Variants in NXN observed in about 807,000 individuals in gnomAD.
The protein encoded by NXN is nucleoredoxin 1.
NXN carries 16 observed loss-of-function variants against 48.6 expected under a neutral mutation model. The observed-to-expected ratio is 0.33, with a 90% CI of 0.22 to 0.50. The LOEUF (loss-of-function observed/expected upper bound fraction) is 0.50, where lower values mean the gene tolerates loss of function less well. Among genes scored for constraint, NXN ranks in the 20% least tolerant of loss-of-function variants. NXN has a pLI of 0.98. For missense variants in NXN, 492 were observed against 605.5 expected (o/e 0.81, Z 1.97); for synonymous variants, 281 against 269.6 (o/e 1.04, Z -0.41).
chr17:929,299 A>C (rs1326458928), intron 1 of NXN, among the ~76,000 whole-genome samples: 3 of 152,182 alleles, frequency 2.0e-5, no homozygotes, highest in African/African-American at 4.8e-5. Flanking sequence ...CTGGCATTTG[A>C]GTTGGTGAGT....
At position 822,008 on chromosome 17, in the gene NXN, C is replaced by T. The variant is rs541990202; in HGVS notation, c.713+349G>A. 7.9e-5 allele frequency among the ~76,000 whole-genome samples: 12 copies of T among 151,824 alleles called. No individual in the cohort carries two copies. The East Asian group carries it at 1.6e-3, about 20-fold the overall frequency. ...TTAAAGGAGTAAATGTGGCTGGGTG[C>T]GGTGGCTCACACCTGTAATCCCAGC... On this transcript the variant is annotated intron_variant, in intron 4 of 7. Coordinates refer to ENST00000336868, the MANE Select transcript of NXN (RefSeq NM_022463.5).
chr17:880,452 C>T (rs8079920), intron 1 of NXN, among the ~76,000 whole-genome samples: 73,645 of 152,032 alleles, frequency 0.48, 21,067 homozygotes, highest in East Asian at 0.63. Flanking sequence ...TAATAAGTTA[C>T]ACTTTTCCTG....
In NXN at chr17:902,742, A is replaced by T. The variant is rs1367180533; in HGVS notation, c.360+76577T>A. ...CATTCCATCCACCACCCTGGTACTCACACTATTTTAACACAACACAATGGC... is the reference window on the plus strand; with the variant it reads ...CATTCCATCCACCACCCTGGTACTCTCACTATTTTAACACAACACAATGGC... On this transcript the variant is annotated intron_variant, in intron 1 of 7. Coordinates refer to ENST00000336868, the MANE Select transcript of NXN (RefSeq NM_022463.5). Among the ~76,000 whole-genome samples, 2 of 147,472 alleles carry T rather than the reference A, an allele frequency of 1.4e-5. 1 individual carries two copies. Among genetic ancestry groups the T allele is most frequent in the Non-Finnish European group, 3.0e-5 (2 of 67,086 alleles).
At chr17:810,284 T>C (rs866298202) in intron 5 of NXN, among the ~76,000 whole-genome samples, 8 of 133,840 alleles carry the variant, frequency 6.0e-5, no homozygotes, top group East Asian at 2.3e-4. Flanking sequence ...AGTCTGTGAG[T>C]GGCGTGCACG....
At chr17:805,888 G>A (rs1486102106) in intron 5 of NXN, among the ~76,000 whole-genome samples, 1 of 151,986 alleles carries the variant, frequency 6.6e-6, no homozygotes, top group Non-Finnish European at 1.5e-5. Context: ...ATGGCGCATC[G>A]GAGCAATCAC....
At chr17:816,973 C>T (rs942455212) in intron 5 of NXN, among the ~76,000 whole-genome samples, 2 of 152,186 alleles carry the variant, frequency 1.3e-5, no homozygotes, top group Admixed American at 6.5e-5. Flanking sequence ...TCCTTGGCAT[C>T]TCCAACTTGG....
At chr17:933,515 G>C (rs75602142) in intron 1 of NXN, 23,389 of 151,704 alleles carry the variant, frequency 0.15, 2,189 homozygotes, top group South Asian at 0.27. Context: ...CCTTGACTCC[G>C]ACAAGCCCAG....
At chr17:963,257 G>C (rs997358263) in intron 1 of NXN, among the ~76,000 whole-genome samples, 3 of 141,518 alleles carry the variant, frequency 2.1e-5, no homozygotes, top group African/African-American at 8.9e-5. Context: ...CATTTTATTT[G>C]AAATTTTTTT....
At chr17:887,544 C>T (rs1345350544) in intron 1 of NXN, among the ~76,000 whole-genome samples, 3 of 152,166 alleles carry the variant, frequency 2.0e-5, no homozygotes, top group Non-Finnish European at 2.9e-5. Context: ...ACAGCTTACT[C>T]CTCCCAAGTG....
At chr17:802,128 T>A (rs1277464454) in intron 7 of NXN, among the ~76,000 whole-genome samples, 2 of 146,368 alleles carry the variant, frequency 1.4e-5, no homozygotes, top group Non-Finnish European at 3.0e-5. Flanking sequence ...AGGGAGCTAC[T>A]TTTTTTTTTT....
At chr17:974,714 G>A (rs1314777168) in intron 1 of NXN, among the ~76,000 whole-genome samples, 1 of 151,822 alleles carries the variant, frequency 6.6e-6, no homozygotes, top group Admixed American at 6.6e-5. Context: ...GTATTAGACT[G>A]CCTTATTATG....
intron 1 of NXN, among the ~76,000 whole-genome samples, chr17:853,934 A>C (rs893306222): frequency 3.3e-5 from 5 of 151,620 alleles, no homozygotes; most frequent in Admixed American, 1.3e-4. Flanking sequence ...GTTAGCCAGG[A>C]TGGTCTTGAT....
intron 1 of NXN, among the ~76,000 whole-genome samples, chr17:923,090 T>A (rs1366075720): frequency 6.6e-6 from 1 of 152,142 alleles, no homozygotes; most frequent in Non-Finnish European, 1.5e-5. Context: ...TCTCCTGTTT[T>A]ACTTTCCTTG....
intron 1 of NXN, among the ~76,000 whole-genome samples, chr17:857,258 T>TTTTC (rs1004163381): frequency 1.3e-5 from 2 of 152,090 alleles, no homozygotes; most frequent in Non-Finnish European, 2.9e-5. Flanking sequence ...ACCTTTTCTT[T>TTTTC]TTTCTTTCTT....
Position 917,913 on chromosome 17 carries a change from T to C in NXN, c.360+61406A>G, listed in dbSNP as rs1477831626. On this transcript the variant is annotated intron_variant, in intron 1 of 7. Transcript: ENST00000336868. The surrounding 1 kb of genome is among the most constrained non-coding windows in gnomAD (Gnocchi z 4.5). ...AGAATGTGGTCTGTATTCAGTTTTG[T>C]TGACAAGAACCCCTAATGGATAATA... 2.0e-5 allele frequency among the ~76,000 whole-genome samples: 3 copies of C among 152,226 alleles called. No homozygotes were observed. Among genetic ancestry groups the C allele is most frequent in the Non-Finnish European group, 4.4e-5 (3 of 68,050 alleles).
chr17:892,611 G>A (rs991868991), intron 1 of NXN, among the ~76,000 whole-genome samples: 13 of 139,844 alleles, frequency 9.3e-5, no homozygotes, highest in African/African-American at 3.3e-4. Context: ...CAGCACTGCT[G>A]ACACTTTGCT....
At chr17:892,155 C>A (rs868222962) in intron 1 of NXN, among the ~76,000 whole-genome samples, 3 of 149,844 alleles carry the variant, frequency 2.0e-5, no homozygotes, top group Admixed American at 1.3e-4. Flanking sequence ...CACAACCCAA[C>A]AGGGAACTAA....
intron 1 of NXN, among the ~76,000 whole-genome samples, chr17:876,342 T>C (rs1223492215): frequency 1.3e-5 from 2 of 152,178 alleles, no homozygotes; most frequent in Non-Finnish European, 2.9e-5. Flanking sequence ...TCACATGTTG[T>C]CAAAAAAGCT....
intron 1 of NXN, among the ~76,000 whole-genome samples, chr17:836,888 C>G (rs1389620431): frequency 6.6e-6 from 1 of 152,102 alleles, no homozygotes; most frequent in African/African-American, 2.4e-5. Context: ...ACCTCCCGGG[C>G]TCAAGCCATC....
Sources: allele counts gnomAD v4.1 joint callset (sites outside exome capture counted in the v4.1 genomes callset), GRCh38; gene constraint gnomAD v4.1.1; non-coding constraint Gnocchi (gnomAD v3.1); transcripts MANE v1.5; gene names NCBI Gene and HGNC (gene_info 2026-07-23, HGNC 2026-07-21).